The following WDR59 variants were observed in gnomAD, a reference collection of about 807,000 sequenced individuals.
WDR59 encodes the protein GATOR2 complex protein WDR59.
A neutral mutation model predicts 131.2 loss-of-function variants in WDR59; 100 were observed. That is an observed-to-expected ratio of 0.76 (90% confidence interval 0.65 to 0.90). WDR59 has a LOEUF of 0.90. Ranked by LOEUF, WDR59 falls within the 40% of genes least tolerant of loss-of-function variation. The probability of loss-of-function intolerance (pLI) is 0.00; values close to 1 mark genes in which losing one functional copy is unlikely to be tolerated. For synonymous variants in WDR59, 601 were observed against 466.2 expected (o/e 1.29, Z -3.72); for missense variants, 1,203 against 1,262.2 (o/e 0.95, Z 0.71).
At chr16:74,977,988 G>A (rs1395756395) in intron 1 of WDR59, among the ~76,000 whole-genome samples, 1 of 152,110 alleles carries the variant, frequency 6.6e-6, no homozygotes, top group East Asian at 1.9e-4. Context: ...TGGGAGGGCT[G>A]TGTGAGGCCA....
At chr16:74,898,926 G>T (rs1276348355) in intron 18 of WDR59, among the ~76,000 whole-genome samples, 3 of 152,124 alleles carry the variant, frequency 2.0e-5, no homozygotes, top group Admixed American at 2.0e-4. Flanking sequence ...TGCTAATCGG[G>T]GCTTCTGATT....
In WDR59 at chr16:74,904,232, A is replaced by G. The variant is rs556929627; in HGVS notation, c.1713-132T>C. On this transcript the variant is annotated intron_variant, in intron 17 of 25. Coordinates refer to ENST00000262144, the MANE Select transcript of WDR59 (RefSeq NM_030581.4). ...ATGGAAACTCCAGAAAAAGAAGTCA[A>G]TAAAACTTTTAACACTGAAAAATGC... 6.9e-6 allele frequency: 8 copies of G among 1,151,206 alleles called. 1 individual carries two copies. The African/African-American group carries it at 1.2e-4, about 18-fold the overall frequency. 71.3% of individuals were successfully genotyped at this position (1,151,206 alleles called of 1,614,324 possible).
chr16:74,964,319 C>A (rs569613359), intron 2 of WDR59, among the ~76,000 whole-genome samples: 1 of 148,770 alleles, frequency 6.7e-6, no homozygotes, highest in Non-Finnish European at 1.5e-5. Context: ...GCGGAGGTTG[C>A]AGTGAGCCGA....
intron 1 of WDR59, among the ~76,000 whole-genome samples, chr16:74,974,340 T>A (rs1354057420): frequency 6.6e-6 from 1 of 152,194 alleles, no homozygotes; most frequent in Non-Finnish European, 1.5e-5. Context: ...AGGGCTATTT[T>A]GTCAGGCCAA....
At chr16:74,947,607 AAG>A (rs1334164259) in intron 6 of WDR59, among the ~76,000 whole-genome samples, 1 of 152,188 alleles carries the variant, frequency 6.6e-6, no homozygotes, top group African/African-American at 2.4e-5. Flanking sequence ...TAACTAAAAA[AAG>A]AGAGAGAGAC....
intron 14 of WDR59, among the ~76,000 whole-genome samples, chr16:74,910,922 C>G (rs1966052110): frequency 6.6e-6 from 1 of 152,066 alleles, no homozygotes; most frequent in South Asian, 2.1e-4. Context: ...GGAGTGCAGC[C>G]ACGTGATCTT....
chr16:74,888,471 G>T (rs778553806), intron 21 of WDR59, 152 bp from the exon 22 acceptor site: 5 of 824,414 alleles, frequency 6.1e-6, no homozygotes, highest in Non-Finnish European at 9.1e-6. Flanking sequence ...GCTTTCTACA[G>T]ATCCGGCAGT....
intron 20 of WDR59, among the ~76,000 whole-genome samples, chr16:74,890,190 G>A (rs548422368): frequency 1.3e-3 from 191 of 152,098 alleles, no homozygotes; most frequent in African/African-American, 4.5e-3. Flanking sequence ...TCGCTCTGTC[G>A]CCCAGGCTGG....
At position 74,893,671 on chromosome 16, in the gene WDR59, G is replaced by C. The variant is rs755507840; in HGVS notation, c.2000+8C>G. The stretch of plus-strand genomic sequence containing the variant: ...ATGAGTGCAGCAGACTTGAAATTTT[G>C]TACTTACATGTACAGCTCTCCCAGC... On this transcript the variant is annotated splice_region_variant and intron_variant, in intron 19 of 25. Transcript: ENST00000262144. The C allele has an allele frequency of 6.2e-7, 1 of 1,612,886 alleles. No homozygotes were observed. Among genetic ancestry groups the C allele is most frequent in the Non-Finnish European group, 8.5e-7 (1 of 1,179,248 alleles).
chr16:74,931,471 G>A (rs1205059925), intron 8 of WDR59, among the ~76,000 whole-genome samples: 1 of 152,050 alleles, frequency 6.6e-6, no homozygotes, highest in African/African-American at 2.4e-5. Flanking sequence ...AAGTAGCTGG[G>A]ACTACAGGTG....
rs372169960 is a variant in WDR59 at position 74,951,570 on chromosome 16, G to T, written c.241-27C>A. 5.8e-6 allele frequency: 9 copies of T among 1,559,834 alleles called. No individual in the cohort carries two copies. In the South Asian group the frequency reaches 1.1e-4, roughly 18 times the overall value. On this transcript the variant is annotated intron_variant, in intron 3 of 25. Transcript: ENST00000262144. ...TGAAAAGAAAGGAAAGAAGGCCACA[G>T]GCAAGTATGTTGGGATATATGGTCT...
intron 14 of WDR59, 129 bp from the exon 15 acceptor site, chr16:74,910,046 C>T: frequency 1.4e-6 from 1 of 701,762 alleles, no homozygotes; most frequent in Admixed American, 3.4e-5. Context: ...CGGCTCATTG[C>T]AACCTCTGCC....
chr16:74,880,342 G>C (rs1388442656), intron 25 of WDR59, among the ~76,000 whole-genome samples: 1 of 152,142 alleles, frequency 6.6e-6, no homozygotes, highest in African/African-American at 2.4e-5. Context: ...AGTTACTCGG[G>C]AGGCTGAGAC....
intron 25 of WDR59, among the ~76,000 whole-genome samples, chr16:74,879,090 T>C (rs1412562228): frequency 6.6e-6 from 1 of 152,170 alleles, no homozygotes; most frequent in African/African-American, 2.4e-5. Flanking sequence ...CAGCTTCTCA[T>C]GCCTGTAATC....
intron 4 of WDR59, 23 bp downstream of exon 4, chr16:74,951,435 A>T: frequency 6.3e-7 from 1 of 1,577,678 alleles, no homozygotes; most frequent in Middle Eastern, 1.7e-4. Flanking sequence ...ACAGCCAAAG[A>T]GCTGTGGAGG....
chr16:74,955,511 T>G (rs2033244776), intron 3 of WDR59, among the ~76,000 whole-genome samples: 1 of 151,764 alleles, frequency 6.6e-6, no homozygotes, highest in Admixed American at 6.6e-5. Flanking sequence ...GGCCTGAGAG[T>G]AGAAAGGCAG....
chr16:74,967,784 G>A (rs1377957816), intron 1 of WDR59, among the ~76,000 whole-genome samples: 1 of 151,200 alleles, frequency 6.6e-6, no homozygotes, highest in South Asian at 2.1e-4. Context: ...ACTTGACCCC[G>A]GGAAGCAGAG....
intron 1 of WDR59, among the ~76,000 whole-genome samples, chr16:74,979,665 C>T (rs775327301): frequency 4.6e-5 from 7 of 150,918 alleles, no homozygotes; most frequent in African/African-American, 1.2e-4. Flanking sequence ...CTCAGCCACC[C>T]GAGTAGCTGG....
intron 7 of WDR59, 54 bp from the exon 8 acceptor site, chr16:74,938,320 C>A: frequency 3.9e-6 from 5 of 1,277,492 alleles, no homozygotes; most frequent in Non-Finnish European, 5.2e-6. Context: ...CTTTGAGTGT[C>A]TATCACGTAA....
Sources: gnomAD v4.1 joint callset for allele counts (sites outside exome capture counted in the v4.1 genomes callset) on GRCh38, gnomAD v4.1.1 for gene constraint, MANE v1.5 for transcripts, NCBI Gene and HGNC (gene_info 2026-07-23, HGNC 2026-07-21) for gene names.